DMD: variants seen among roughly 807,000 people sequenced by gnomAD.
The protein encoded by DMD is mutant dystrophin.
Under a neutral mutation model 330.1 loss-of-function variants are expected in DMD, and 63 were observed. The observed-to-expected ratio is 0.19, with a 90% CI of 0.16 to 0.24. The LOEUF (loss-of-function observed/expected upper bound fraction) is 0.24, where lower values mean the gene tolerates loss of function less well. Among genes scored for constraint, DMD ranks in the 10% least tolerant of loss-of-function variants. DMD has a pLI of 1.00. For missense variants in DMD, 3,344 were observed against 2,684.1 expected, an observed-to-expected ratio of 1.25 and a Z score of -5.43; for synonymous variants, 1,223 against 959.8, an observed-to-expected ratio of 1.27 and a Z score of -5.07.
intron 17 of DMD, among the ~76,000 whole-genome samples, chrX:32,536,373 GA>G (rs2047986491): frequency 9.0e-6 from 1 of 110,653 alleles, no homozygotes; most frequent in Admixed American, 9.7e-5. Flanking sequence ...GGTAACATGG[GA>G]ATGGGAAAAA....
chrX:32,069,537 G>C (rs2096281847), intron 44 of DMD, among the ~76,000 whole-genome samples: 1 of 111,720 alleles, frequency 9.0e-6, no homozygotes, highest in African/African-American at 3.3e-5. Context: ...TTTTATCTAT[G>C]TTATGTAAGG....
chrX:32,822,073 A>C (rs1311395249), intron 5 of DMD, among the ~76,000 whole-genome samples: 2 of 111,439 alleles, frequency 1.8e-5, no homozygotes, highest in Non-Finnish European at 3.8e-5. Context: ...ATTTATAAAA[A>C]AGTAATCCCG....
intron 11 of DMD, among the ~76,000 whole-genome samples, chrX:32,635,248 A>G (rs7065440): frequency 0.23 from 24,981 of 110,758 alleles, 3,902 homozygotes; most frequent in African/African-American, 0.56. Context: ...GTGATAGAAT[A>G]TTGCCTTTAC....
intron 59 of DMD, among the ~76,000 whole-genome samples, chrX:31,449,787 T>G (rs199497742): frequency 0.058 from 5,190 of 89,599 alleles, 280 homozygotes; most frequent in African/African-American, 0.15. Flanking sequence ...TATATATATA[T>G]ATATATATAT....
At chrX:33,133,197 TGA>T (rs763956172) in intron 1 of DMD, among the ~76,000 whole-genome samples, 8 of 111,325 alleles carry the variant, frequency 7.2e-5, no homozygotes, top group Non-Finnish European at 1.1e-4. Context: ...AGGCTCCTGC[TGA>T]GAGTTGGAGC....
At chrX:32,649,915 G>C (rs1045178556) in intron 9 of DMD, among the ~76,000 whole-genome samples, 8 of 111,490 alleles carry the variant, frequency 7.2e-5, no homozygotes, top group African/African-American at 2.3e-4. Context: ...GATTAGATGA[G>C]ATAGTGCATA....
rs5927993 is a variant in DMD at position 32,456,618 on chromosome X, A to G, written c.3433-1786T>C. On this transcript the variant is annotated intron_variant, in intron 25 of 78. Transcript: ENST00000357033. ...TGTGTGTGTGTGTGTGTGTGTGTGT[A>G]TGTGTGTGTGTGTGTGCACGTGCTC... Among the ~76,000 whole-genome samples, 677 of 69,164 alleles carry G rather than the reference A, an allele frequency of 9.8e-3. 7 individuals carry two copies. Among genetic ancestry groups the G allele is most frequent in the African/African-American group, 0.029 (500 of 17,150 alleles). The allele number at this position is 69,164 out of a possible 115,157, so 60.1% of individuals were successfully genotyped here.
chrX:31,599,028 A>G lies in DMD; in HGVS notation c.8217+28645T>C, dbSNP rs749366598. 1.2e-4 allele frequency among the ~76,000 whole-genome samples: 13 copies of G among 112,098 alleles called. No homozygotes were observed. In the East Asian group the frequency reaches 3.6e-3, roughly 31 times the overall value. ...AAGAGCTTTTTAAAAGAAGAGATTTATGCGATGTATAGAAAGATTTTCTGG... is the reference window on the plus strand; with the variant it reads ...AAGAGCTTTTTAAAAGAAGAGATTTGTGCGATGTATAGAAAGATTTTCTGG... On this transcript the variant is annotated intron_variant, in intron 55 of 78. Transcript: ENST00000357033.
At chrX:31,331,361 A>G (rs1451303895) in intron 61 of DMD, among the ~76,000 whole-genome samples, 1 of 109,934 alleles carries the variant, frequency 9.1e-6, no homozygotes, top group African/African-American at 3.3e-5. Flanking sequence ...AGATAAAACT[A>G]TATCTAATAT....
intron 62 of DMD, chrX:31,261,398 A>C (rs2050501786): frequency 5.2e-6 from 1 of 192,724 alleles, no homozygotes; most frequent in African/African-American, 3.0e-5. Flanking sequence ...ATTATTATTC[A>C]ACTCTGTCAA....
At chrX:33,328,234 C>T (rs2054116737) in intron 1 of DMD, among the ~76,000 whole-genome samples, 1 of 111,265 alleles carries the variant, frequency 9.0e-6, no homozygotes, top group African/African-American at 3.3e-5. Context: ...GACAGAATCT[C>T]ACTCTGTCAC....
At chrX:33,184,585 A>G (rs16990945) in intron 1 of DMD, among the ~76,000 whole-genome samples, 1,217 of 111,308 alleles carry the variant, frequency 0.011, 19 homozygotes, top group African/African-American at 0.037. Flanking sequence ...ATAATTCCAT[A>G]TGACTAAGAT....
chrX:31,454,380 G>C (rs1187042102), intron 59 of DMD, among the ~76,000 whole-genome samples: 1 of 111,884 alleles, frequency 8.9e-6, no homozygotes, highest in Non-Finnish European at 1.9e-5. Flanking sequence ...GACATCAGAT[G>C]ATCCACCCGC....
At chrX:31,345,161 T>C (rs1436251580) in intron 61 of DMD, among the ~76,000 whole-genome samples, 1 of 112,421 alleles carries the variant, frequency 8.9e-6, no homozygotes, top group East Asian at 2.8e-4. Flanking sequence ...ATATTCCACA[T>C]GGGCATCCAA....
At chrX:32,960,783 A>G (rs111538936) in intron 2 of DMD, among the ~76,000 whole-genome samples, 3,219 of 110,542 alleles carry the variant, frequency 0.029, 114 homozygotes, top group African/African-American at 0.1. Context: ...ATAACTGGTT[A>G]TTTAGTTGGT....
At chrX:33,129,733 A>G (rs1377073164) in intron 1 of DMD, among the ~76,000 whole-genome samples, 1 of 110,766 alleles carries the variant, frequency 9.0e-6, no homozygotes, top group Non-Finnish European at 1.9e-5. Context: ...CCTTGTCTAC[A>G]AAGAGTACTG....
chrX:33,188,260 C>G (rs765177333), intron 1 of DMD, among the ~76,000 whole-genome samples: 20 of 110,185 alleles, frequency 1.8e-4, no homozygotes, highest in Non-Finnish European at 3.8e-4. Context: ...CTCTCTCTGT[C>G]TCTCTCATCA....
At chrX:31,249,203 C>A (rs1260965002) in intron 63 of DMD, among the ~76,000 whole-genome samples, 1 of 111,680 alleles carries the variant, frequency 9.0e-6, no homozygotes, top group Non-Finnish European at 1.9e-5. Flanking sequence ...TTCTGTGATA[C>A]CTCCACTACC....
intron 1 of DMD, among the ~76,000 whole-genome samples, chrX:33,077,144 C>T (rs181906067): frequency 1.8e-5 from 2 of 111,096 alleles, no homozygotes; most frequent in African/African-American, 6.5e-5. Context: ...TGGTGGGGGT[C>T]AGAATCTTGT....
Sources: allele counts gnomAD v4.1 joint callset (sites outside exome capture counted in the v4.1 genomes callset), GRCh38; gene constraint gnomAD v4.1.1; transcripts MANE v1.5; gene names NCBI Gene and HGNC (gene_info 2026-07-23, HGNC 2026-07-21).